TSHZ3: variants seen among roughly 807,000 people sequenced by gnomAD.
The protein encoded by TSHZ3 is teashirt zinc finger homeobox 3, also known as teashirt homolog 3.
A neutral mutation model predicts 64.5 loss-of-function variants in TSHZ3; 10 were observed. That is an observed-to-expected ratio of 0.16 (90% confidence interval 0.10 to 0.26). The LOEUF is 0.26. TSHZ3 is among the 10% of genes least tolerant of loss of function. The pLI, the probability that TSHZ3 is intolerant of heterozygous loss-of-function variation, is 1.00. For synonymous variants in TSHZ3, 608 were observed against 593.1 expected (o/e 1.03, Z -0.36); for missense variants, 1,242 against 1,421.7 (o/e 0.87, Z 2.03).
intron 6 of TSHZ3, among the ~76,000 whole-genome samples, chr19:31,153,266 A>G (rs1362778341): frequency 1.3e-5 from 2 of 152,218 alleles, no homozygotes; most frequent in Admixed American, 6.5e-5. Flanking sequence ...AAAATATAAC[A>G]TGGCACTCAG....
At chr19:31,350,025 C>G (rs1006992300), upstream of TSHZ3, among the ~76,000 whole-genome samples, 7 of 147,952 alleles carry the variant, frequency 4.7e-5, no homozygotes, top group Non-Finnish European at 9.1e-5. Context: ...CCGAGCCCGT[C>G]CCGGGGCGCT....
At chr19:31,201,333 G>A (rs144078394) in intron 5 of TSHZ3, among the ~76,000 whole-genome samples, 1 of 152,164 alleles carries the variant, frequency 6.6e-6, no homozygotes, top group African/African-American at 2.4e-5. Context: ...TTGATTAAAT[G>A]TTCATGTTAA....
In TSHZ3 at chr19:31,277,704, G is replaced by A. The variant is rs757478276; in HGVS notation, c.2089C>T (p.Pro697Ser). 1.3e-6 allele frequency: 2 copies of A among 1,525,712 alleles called. No individual in the cohort carries two copies. The highest frequency in any genetic ancestry group is 1.8e-4 in the Middle Eastern group (1 of 5,632). 94.5% of individuals were successfully genotyped at this position (1,525,712 alleles called of 1,614,324 possible). ...CTGCCACTCAAACTGCTGGCTAGGGGCTTCACCAGCTCCTTGCCATTCTCC... is the reference window on the plus strand; with the variant it reads ...CTGCCACTCAAACTGCTGGCTAGGGACTTCACCAGCTCCTTGCCATTCTCC... Reference protein sequence around the residue: ...PVENGKELVKPLASSLSGSTA... With the variant: ...PVENGKELVKSLASSLSGSTA... The change falls in exon 2 of 2, where the codon CCC (proline) becomes TCC (serine). Residue 697 changes from proline to serine, a missense_variant. By Grantham distance (74) the Pro-to-Ser change is moderately conservative (BLOSUM62 -1). Around this residue, in one of 4 missense-constraint regions of TSHZ3, gnomAD observed 550 missense variants for 545.1 expected, o/e 1.01. Coordinates refer to ENST00000240587, the MANE Select transcript of TSHZ3 (RefSeq NM_020856.4). This position sits in a 1 kb window ranked among gnomAD's most constrained non-coding sequence, Gnocchi z 4.5.
At chr19:31,350,874 G>T (rs1238284809), upstream of TSHZ3, among the ~76,000 whole-genome samples, 1 of 147,160 alleles carries the variant, frequency 6.8e-6, no homozygotes, top group African/African-American at 2.4e-5. Flanking sequence ...CTCAGGCCGG[G>T]AATGGGGCGG....
intron 4 of TSHZ3, among the ~76,000 whole-genome samples, chr19:31,209,294 G>A (rs1975228753): frequency 6.6e-6 from 1 of 152,216 alleles, no homozygotes; most frequent in East Asian, 1.9e-4. Context: ...ACAATGAAAA[G>A]AAGAGTATTC....
intron 3 of TSHZ3, among the ~76,000 whole-genome samples, chr19:31,229,076 A>T (rs747707675): frequency 3.9e-5 from 6 of 152,196 alleles, no homozygotes; most frequent in Non-Finnish European, 7.3e-5. Context: ...GGGTAAAATT[A>T]GAGGGGTGCA....
intron 1 of TSHZ3, among the ~76,000 whole-genome samples, chr19:31,320,447 C>T (rs1168856055): frequency 6.6e-6 from 1 of 152,148 alleles, no homozygotes; most frequent in African/African-American, 2.4e-5. Flanking sequence ...ATTTATTTAA[C>T]CTTAAAGAAA....
chr19:31,213,356 CAAAAAAAAAAAA>C (rs35192337), intron 4 of TSHZ3, among the ~76,000 whole-genome samples: 136 of 23,298 alleles, frequency 5.8e-3, no homozygotes, highest in South Asian at 0.054. Flanking sequence ...GACTCTGTCT[CAAAAAAAAAAAA>C]AAAAAAAAAA....
At chr19:31,292,280 G>A (rs1245831049) in intron 1 of TSHZ3, among the ~76,000 whole-genome samples, 5 of 152,180 alleles carry the variant, frequency 3.3e-5, no homozygotes, top group Non-Finnish European at 7.3e-5. Flanking sequence ...CATGAGCAGA[G>A]GGATTCTCAG....
chr19:31,218,932 G>C (rs1222118514), intron 4 of TSHZ3, among the ~76,000 whole-genome samples: 2 of 152,162 alleles, frequency 1.3e-5, no homozygotes, highest in Non-Finnish European at 2.9e-5. Context: ...TAATCCGGCA[G>C]CATTGCTAAT....
At chr19:31,158,388 G>A (rs1974332658) in intron 5 of TSHZ3, among the ~76,000 whole-genome samples, 1 of 152,178 alleles carries the variant, frequency 6.6e-6, no homozygotes, top group Non-Finnish European at 1.5e-5. Context: ...TTACTTCAAA[G>A]TAGGTGGCTT....
chr19:31,270,711 C>T (rs1568364387), downstream of TSHZ3, among the ~76,000 whole-genome samples: 1 of 152,150 alleles, frequency 6.6e-6, no homozygotes, highest in Non-Finnish European at 1.5e-5. Flanking sequence ...GACTGATGAA[C>T]TAAATTTTAA....
At chr19:31,299,533 C>T (rs960459726) in intron 1 of TSHZ3, among the ~76,000 whole-genome samples, 3 of 152,046 alleles carry the variant, frequency 2.0e-5, no homozygotes, top group Admixed American at 6.6e-5. Context: ...ATAGAAGGGC[C>T]GCTTTCTGGA....
chr19:31,304,239 T>C lies in TSHZ3; in HGVS notation c.41-24487A>G, dbSNP rs143550703. On this transcript the variant is annotated intron_variant, in intron 1 of 1. Coordinates refer to ENST00000240587, the MANE Select transcript of TSHZ3 (RefSeq NM_020856.4). ...CTGCCTGCCTCGGCCTCCCAAAGTG[T>C]TGGGATTACAGGCTTGAGTCACGGC... Among the ~76,000 whole-genome samples, 541 of 152,248 alleles carry C rather than the reference T, an allele frequency of 3.6e-3. 3 individuals carry two copies. Among genetic ancestry groups the C allele is most frequent in the African/African-American group, 0.012 (505 of 41,550 alleles).
At chr19:31,192,181 G>A (rs1303815040) in intron 5 of TSHZ3, among the ~76,000 whole-genome samples, 1 of 152,058 alleles carries the variant, frequency 6.6e-6, no homozygotes, top group Non-Finnish European at 1.5e-5. Context: ...GAAACAAGAT[G>A]AATATTAAAT....
chr19:31,289,030 T>A (rs977156328), intron 1 of TSHZ3, among the ~76,000 whole-genome samples: 1 of 152,222 alleles, frequency 6.6e-6, no homozygotes, highest in Non-Finnish European at 1.5e-5. Context: ...ACTGGCCACA[T>A]CCGCCTCCCA....
At chr19:31,159,507 T>A (rs1235532684) in intron 5 of TSHZ3, among the ~76,000 whole-genome samples, 1 of 152,192 alleles carries the variant, frequency 6.6e-6, no homozygotes, top group African/African-American at 2.4e-5. Flanking sequence ...TAAAATTAAT[T>A]TTACCTGTCT....
intron 1 of TSHZ3, among the ~76,000 whole-genome samples, chr19:31,263,141 T>C (rs1237745912): frequency 1.3e-5 from 2 of 152,024 alleles, no homozygotes; most frequent in Non-Finnish European, 2.9e-5. Flanking sequence ...GGTCTGAAGA[T>C]GGCTGGCTCA....
At chr19:31,325,073 G>A (rs1234297519) in intron 1 of TSHZ3, among the ~76,000 whole-genome samples, 1 of 152,186 alleles carries the variant, frequency 6.6e-6, no homozygotes, top group Non-Finnish European at 1.5e-5. Flanking sequence ...CCGCGCTGTA[G>A]CCAGCCACCT....
Sources: allele counts gnomAD v4.1 joint callset (sites outside exome capture counted in the v4.1 genomes callset), GRCh38; gene constraint gnomAD v4.1.1; regional missense constraint gnomAD v4.1.1; non-coding constraint Gnocchi (gnomAD v3.1); transcripts MANE v1.5; gene names NCBI Gene and HGNC (gene_info 2026-07-23, HGNC 2026-07-21).